Variants in HYAL4 observed in about 807,000 individuals in gnomAD.
HYAL4 encodes the protein hyaluronidase 4, also known as hyaluronidase-4.
HYAL4 carries 37 observed loss-of-function variants against 35.2 expected under a neutral mutation model. The ratio of observed to expected loss-of-function variants is 1.05; its 90% CI spans 0.81 to 1.38. HYAL4 has a LOEUF of 1.38. HYAL4 is among the 40% of genes most tolerant of loss of function. The pLI, the probability that HYAL4 is intolerant of heterozygous loss-of-function variation, is 0.00. For synonymous variants in HYAL4, 198 were observed against 203.2 expected (o/e 0.97, Z 0.22); for missense variants, 572 against 572.4 (o/e 1.00, Z 0.01).
intron 3 of HYAL4, among the ~76,000 whole-genome samples, chr7:123,872,013 C>A (rs938875098): frequency 2.0e-5 from 3 of 152,074 alleles, no homozygotes; most frequent in African/African-American, 4.8e-5. Context: ...ATTAGTTTTT[C>A]ATTTTTATAC....
chr7:123,841,875 TTC>T (rs1806072049), upstream of HYAL4, among the ~76,000 whole-genome samples: 1 of 152,026 alleles, frequency 6.6e-6, no homozygotes, highest in Non-Finnish European at 1.5e-5. Flanking sequence ...TGTGTGATTC[TTC>T]TCTCTTTTCT....
At chr7:123,787,246 G>A in the HYAL4 span, among the ~76,000 whole-genome samples, 1 of 151,770 alleles carries the variant, frequency 6.6e-6, no homozygotes, top group Non-Finnish European at 1.5e-5. Context: ...CATTGCTCAA[G>A]ATTCCCTGGG....
At chr7:123,838,604 C>T (rs1806006054) in intron 1 of HYAL4, among the ~76,000 whole-genome samples, 2 of 151,900 alleles carry the variant, frequency 1.3e-5, no homozygotes, top group Admixed American at 1.3e-4. Flanking sequence ...AACCTGATGA[C>T]AATGTGCCTA....
chr7:123,814,831 C>T, the HYAL4 span: 1 of 118,740 alleles, frequency 8.4e-6, no homozygotes, highest in Non-Finnish European at 1.9e-5. Context: ...CAAATTGTGG[C>T]TGTGGGAAAA....
chr7:123,775,975 T>C, the HYAL4 span, among the ~76,000 whole-genome samples: 1 of 152,162 alleles, frequency 6.6e-6, no homozygotes, highest in African/African-American at 2.4e-5. Flanking sequence ...ATCAGAGGAA[T>C]TGGATTAGAG....
At position 123,868,532 on chromosome 7, in the gene HYAL4, G is replaced by A. The variant is rs750343974; in HGVS notation, c.259G>A (p.Val87Ile). ...SPLAKARGQN[V>I]TIFYVNRLGY... Reference sequence around the variant, plus strand: ...ACTGGCCAAGGCCAGGGGGCAAAATGTCACTATATTTTATGTCAACAGATT... The same window carrying A: ...ACTGGCCAAGGCCAGGGGGCAAAATATCACTATATTTTATGTCAACAGATT... Residue 87 changes from valine (V) to isoleucine (I), a missense_variant, in exon 3 of 5, where the codon GTC (valine) becomes ATC (isoleucine). Transcript: ENST00000223026. 5.6e-5 allele frequency: 90 copies of A among 1,609,990 alleles called. No homozygotes were observed. The highest frequency in any genetic ancestry group is 7.5e-5 in the Non-Finnish European group (88 of 1,179,100).
chr7:123,861,719 G>A (rs1224990043), intron 2 of HYAL4, among the ~76,000 whole-genome samples: 2 of 152,108 alleles, frequency 1.3e-5, no homozygotes, highest in Admixed American at 6.5e-5. Flanking sequence ...CAAAACTTAA[G>A]CCTATATTTA....
At chr7:123,827,074 A>G (rs1384101052), upstream of HYAL4, among the ~76,000 whole-genome samples, 1 of 152,052 alleles carries the variant, frequency 6.6e-6, no homozygotes, top group East Asian at 1.9e-4. Context: ...CAATTCAGGG[A>G]TAAGGTCTGG....
the HYAL4 span, among the ~76,000 whole-genome samples, chr7:123,796,733 A>G: frequency 1.3e-5 from 2 of 152,228 alleles, no homozygotes; most frequent in African/African-American, 2.4e-5. Context: ...GTATATATAT[A>G]CAATGGAATA....
At chr7:123,781,480 G>A in the HYAL4 span, among the ~76,000 whole-genome samples, 2 of 143,160 alleles carry the variant, frequency 1.4e-5, no homozygotes, top group East Asian at 2.1e-4. Flanking sequence ...TATGCTGAAC[G>A]CTGGTTCCCC....
At chr7:123,870,130 A>AT (rs1806838696) in intron 3 of HYAL4, among the ~76,000 whole-genome samples, 2 of 152,314 alleles carry the variant, frequency 1.3e-5, no homozygotes, top group South Asian at 4.1e-4. Context: ...TAACAGAGGC[A>AT]TTTTTCCTTT....
rs766514412 is a variant in HYAL4, at chr7:123,876,813, TG to T, written c.1105del (p.Val369Ter). 4 of 1,614,064 alleles carry T rather than the reference TG, an allele frequency of 2.5e-6. No individual in the cohort carries two copies. In the Admixed American group the frequency reaches 6.7e-5, roughly 27 times the overall value. ...SSDLGSYIANVTRAAEVCSLH... is the reference protein window; with the variant it reads ...SSDLGSYIANXTRAAEVCSLH... ...CTGATTTAGGGAGCTACATAGCCAA[TG>T]TGACCAGAGCTGCTGAGGTATGCAG... On this transcript the variant is annotated frameshift_variant, in exon 5 of 5. Transcript: ENST00000223026. LOFTEE classifies it low-confidence loss of function (END_TRUNC).
At chr7:123,862,865 T>G (rs1806605527) in intron 2 of HYAL4, among the ~76,000 whole-genome samples, 1 of 152,166 alleles carries the variant, frequency 6.6e-6, no homozygotes, top group Non-Finnish European at 1.5e-5. Context: ...ACCACATCTT[T>G]CCCATCTCAT....
At chr7:123,776,605 A>G in the HYAL4 span, among the ~76,000 whole-genome samples, 1 of 151,974 alleles carries the variant, frequency 6.6e-6, no homozygotes, top group Non-Finnish European at 1.5e-5. Context: ...TTTTGTAGAG[A>G]TGTTGTTTCG....
At chr7:123,868,196 C>T (rs923243370) in intron 2 of HYAL4, 27 bp from the exon 3 acceptor site, 5 of 655,476 alleles carry the variant, frequency 7.6e-6, no homozygotes, top group Admixed American at 5.7e-5. Flanking sequence ...AAAACTATGA[C>T]TAACAGAAAA....
chr7:123,877,138 C>T lies in HYAL4; in HGVS notation c.1429C>T (p.Arg477Ter), dbSNP rs142982813. Residue 477 changes from arginine to a stop codon, truncating the protein, a stop_gained, in exon 5 of 5, where the codon CGA becomes TGA. Transcript: ENST00000223026. LOFTEE classifies it high-confidence loss of function. ...TTGTCTACTGCTTTTAGCAAGTTAT[C>T]GAAGCATTCAGTTGTGAGATAATTG... Reference protein sequence around the residue: ...TLCLLLLASYRSIQL With the variant: ...TLCLLLLASY The T allele has an allele frequency of 2.1e-4, 345 of 1,613,574 alleles. No homozygotes were observed. The highest frequency in any genetic ancestry group is 2.7e-4 in the Non-Finnish European group (321 of 1,179,652).
chr7:123,857,917 T>C (rs985840435), intron 2 of HYAL4, among the ~76,000 whole-genome samples: 1 of 151,976 alleles, frequency 6.6e-6, no homozygotes, highest in Non-Finnish European at 1.5e-5. Flanking sequence ...TCTATGTAGA[T>C]CAAGTGTGGT....
chr7:123,778,083 C>A, the HYAL4 span, among the ~76,000 whole-genome samples: 6 of 151,976 alleles, frequency 3.9e-5, no homozygotes, highest in African/African-American at 1.4e-4. Context: ...TCCTATATAC[C>A]TTTCAAGCAG....
At chr7:123,817,945 T>C in the HYAL4 span, among the ~76,000 whole-genome samples, 1 of 152,166 alleles carries the variant, frequency 6.6e-6, no homozygotes, top group Non-Finnish European at 1.5e-5. Context: ...TGACAGGATC[T>C]CGGCTCACTG....
Sources: gnomAD v4.1 joint callset for allele counts (sites outside exome capture counted in the v4.1 genomes callset) on GRCh38, gnomAD v4.1.1 for gene constraint, MANE v1.5 for transcripts, NCBI Gene and HGNC (gene_info 2026-07-23, HGNC 2026-07-21) for gene names.